Variants in KDM4C observed in about 807,000 individuals in gnomAD.
The protein encoded by KDM4C is lysine demethylase 4C, also known as lysine-specific demethylase 4C.
In KDM4C, 81 loss-of-function variants were observed where a neutral mutation model predicts 129.3. The ratio of observed to expected loss-of-function variants is 0.63; its 90% CI spans 0.52 to 0.75. The LOEUF (loss-of-function observed/expected upper bound fraction) is 0.75. Among genes scored for constraint, KDM4C ranks in the 30% least tolerant of loss-of-function variants. The pLI is 0.00. For missense variants in KDM4C, 1,457 were observed against 1,304.0 expected (o/e 1.12, Z -1.81); for synonymous variants, 573 against 456.1 (o/e 1.26, Z -3.26).
At chr9:6,864,199 A>C (rs116134124) in intron 5 of KDM4C, among the ~76,000 whole-genome samples, 1 of 152,108 alleles carries the variant, frequency 6.6e-6, no homozygotes, top group Non-Finnish European at 1.5e-5. Context: ...GGTGATGGCA[A>C]ATTCTCTCAG....
chr9:7,021,944 T>C (rs746446436), intron 15 of KDM4C, among the ~76,000 whole-genome samples: 2 of 152,218 alleles, frequency 1.3e-5, no homozygotes, highest in Non-Finnish European at 2.9e-5. Context: ...TTGTCATCTT[T>C]GTTGAAAATG....
At chr9:6,774,021 G>A (rs1364209818) in intron 1 of KDM4C, among the ~76,000 whole-genome samples, 1 of 151,948 alleles carries the variant, frequency 6.6e-6, no homozygotes, top group Admixed American at 6.6e-5. Context: ...TTGAGTAGCT[G>A]GGACTACAGG....
chr9:6,734,892 G>T, intron 1 of KDM4C: 1 of 563,330 alleles, frequency 1.8e-6, no homozygotes, highest in Non-Finnish European at 3.5e-6. Flanking sequence ...CTTCACAATG[G>T]AAGGTAGTCC....
At chr9:6,978,963 A>G (rs1479326215) in intron 8 of KDM4C, 1 of 151,956 alleles carries the variant, frequency 6.6e-6, no homozygotes, top group Non-Finnish European at 1.5e-5. Flanking sequence ...TTTCTGAGAC[A>G]CTTTCCTCAG....
At chr9:7,160,124 G>C (rs1290839470) in intron 19 of KDM4C, among the ~76,000 whole-genome samples, 1 of 152,038 alleles carries the variant, frequency 6.6e-6, no homozygotes, top group East Asian at 1.9e-4. Context: ...GATCGAGTTG[G>C]CTGTTGAAGC....
intron 4 of KDM4C, among the ~76,000 whole-genome samples, chr9:6,817,711 A>C (rs1832372107): frequency 6.6e-6 from 1 of 151,886 alleles, no homozygotes; most frequent in Non-Finnish European, 1.5e-5. Context: ...ATACAGAAAA[A>C]CGTGAAGAAG....
Position 6,826,928 on chromosome 9 carries a change from C to T in KDM4C, c.435+12183C>T, listed in dbSNP as rs1050324249. ...GTTTTTATTGGCAGGATGGTTTTCA[C>T]AGGTAGAGGAAAGCAGATAAATCTA... On this transcript the variant is annotated intron_variant, in intron 4 of 21. Coordinates refer to ENST00000381309, the MANE Select transcript of KDM4C (RefSeq NM_015061.6). Among the ~76,000 whole-genome samples the T allele has an allele frequency of 3.3e-5, 5 of 151,594 alleles. No individual in the cohort carries two copies. The East Asian group carries it at 9.6e-4, about 29-fold the overall frequency.
At chr9:6,778,670 G>A (rs1302716598) in intron 1 of KDM4C, among the ~76,000 whole-genome samples, 1 of 151,908 alleles carries the variant, frequency 6.6e-6, no homozygotes, top group African/African-American at 2.4e-5. Context: ...GGGAGGCTGA[G>A]GCAGGAGAAT....
At chr9:6,827,505 C>G (rs1834090504) in intron 4 of KDM4C, among the ~76,000 whole-genome samples, 2 of 152,154 alleles carry the variant, frequency 1.3e-5, no homozygotes, top group African/African-American at 2.4e-5. Flanking sequence ...TTTTTTCCCT[C>G]TCCCTCAATG....
chr9:6,877,503 C>A (rs1307785707), intron 5 of KDM4C, among the ~76,000 whole-genome samples: 1 of 152,140 alleles, frequency 6.6e-6, no homozygotes, highest in Non-Finnish European at 1.5e-5. Flanking sequence ...CCTGGCCTAA[C>A]AAGATTATTT....
intron 4 of KDM4C, among the ~76,000 whole-genome samples, chr9:6,839,603 A>G (rs1200224125): frequency 3.9e-5 from 6 of 151,968 alleles, no homozygotes; most frequent in African/African-American, 1.5e-4. Flanking sequence ...AAGTGTTTTT[A>G]CACTTAAAAA....
intron 15 of KDM4C, 41 bp downstream of exon 15, chr9:7,015,970 C>T: frequency 7.1e-7 from 1 of 1,403,812 alleles, no homozygotes; most frequent in Admixed American, 1.7e-5. Flanking sequence ...TTTCTTCCCA[C>T]CCTACCCACT....
chr9:6,746,362 G>A (rs1241049327), intron 1 of KDM4C, among the ~76,000 whole-genome samples: 2 of 144,614 alleles, frequency 1.4e-5, no homozygotes, highest in Non-Finnish European at 3.0e-5. Context: ...TCTGCCTCCC[G>A]GGTTCACGCC....
chr9:7,106,516 G>A (rs1837702614), intron 18 of KDM4C, among the ~76,000 whole-genome samples: 1 of 152,106 alleles, frequency 6.6e-6, no homozygotes, highest in African/African-American at 2.4e-5. Context: ...ACCTACTGTT[G>A]CTTCAATAGA....
At chr9:7,103,052 A>T (rs1388277415) in intron 17 of KDM4C, among the ~76,000 whole-genome samples, 3 of 152,190 alleles carry the variant, frequency 2.0e-5, no homozygotes, top group Admixed American at 2.0e-4. Context: ...ATAGATATTC[A>T]ACCAAATTAT....
intron 8 of KDM4C, chr9:6,925,648 C>G: frequency 1.0e-6 from 1 of 985,280 alleles, no homozygotes; most frequent in African/African-American, 1.7e-5. Context: ...TTCACCGTTT[C>G]AGAAAGATGC....
chr9:6,750,304 T>C (rs1818025631), intron 1 of KDM4C, among the ~76,000 whole-genome samples: 1 of 151,850 alleles, frequency 6.6e-6, no homozygotes, highest in African/African-American at 2.4e-5. Flanking sequence ...CTGGGCATGG[T>C]GGCACGCACC....
At chr9:6,730,274 G>C (rs115619716) in intron 1 of KDM4C, among the ~76,000 whole-genome samples, 2,000 of 152,246 alleles carry the variant, frequency 0.013, 45 homozygotes, top group African/African-American at 0.046. Flanking sequence ...ATACTTTATA[G>C]TATGGGCTTG....
intron 19 of KDM4C, among the ~76,000 whole-genome samples, chr9:7,153,198 A>G (rs1225490885): frequency 7.9e-5 from 12 of 152,136 alleles, no homozygotes; most frequent in Admixed American, 5.2e-4. Context: ...TTGGCCGCCC[A>G]AAGTGCTGGG....
Sources: gnomAD v4.1 joint callset for allele counts (sites outside exome capture counted in the v4.1 genomes callset) on GRCh38, gnomAD v4.1.1 for gene constraint, MANE v1.5 for transcripts, NCBI Gene and HGNC (gene_info 2026-07-23, HGNC 2026-07-21) for gene names.